Variants in SLC26A7 observed in about 807,000 individuals in gnomAD.
SLC26A7 encodes the protein anion exchange transporter.
In SLC26A7, 59 loss-of-function variants were observed where a neutral mutation model predicts 82.5. That is an observed-to-expected ratio of 0.72 (90% CI 0.58 to 0.89). SLC26A7 has a LOEUF of 0.89. SLC26A7 is among the 40% of genes least tolerant of loss of function. SLC26A7 has a pLI of 0.00. For synonymous variants in SLC26A7, 271 were observed against 274.3 expected (o/e 0.99, Z 0.12); for missense variants, 820 against 793.0 (o/e 1.03, Z -0.41).
At chr8:91,356,671 T>C (rs1813878183) in intron 11 of SLC26A7, among the ~76,000 whole-genome samples, 1 of 152,184 alleles carries the variant, frequency 6.6e-6, no homozygotes, top group Admixed American at 6.5e-5. Flanking sequence ...TTCTCCCATT[T>C]TGTAGGTTGT....
chr8:91,221,967 T>C (rs895726042), intron 2 of SLC26A7, among the ~76,000 whole-genome samples: 10 of 152,176 alleles, frequency 6.6e-5, no homozygotes, highest in Admixed American at 6.5e-4. Context: ...TTGGGCAGTA[T>C]GGCCATTTTC....
At chr8:91,251,301 G>A (rs545023414) in intron 2 of SLC26A7, among the ~76,000 whole-genome samples, 4 of 151,808 alleles carry the variant, frequency 2.6e-5, no homozygotes, top group Non-Finnish European at 5.9e-5. Context: ...TTTGTTTTAC[G>A]AGTCATGTAT....
At chr8:91,248,272 G>C (rs576869665), upstream of SLC26A7, among the ~76,000 whole-genome samples, 1 of 152,136 alleles carries the variant, frequency 6.6e-6, no homozygotes, top group East Asian at 1.9e-4. Context: ...AAAAAGAAAG[G>C]TATTTTTGCA....
intron 2 of SLC26A7, among the ~76,000 whole-genome samples, chr8:91,277,129 C>T (rs796415648): frequency 1.1e-4 from 16 of 152,218 alleles, no homozygotes; most frequent in African/African-American, 3.9e-4. Flanking sequence ...TCATTGCCAG[C>T]CTTTACTAAT....
At chr8:91,378,351 A>G (rs1348233004) in intron 15 of SLC26A7, among the ~76,000 whole-genome samples, 1 of 147,308 alleles carries the variant, frequency 6.8e-6, no homozygotes, top group African/African-American at 2.5e-5. Flanking sequence ...ATATAATTAC[A>G]TTATAATGTA....
intron 2 of SLC26A7, among the ~76,000 whole-genome samples, chr8:91,256,416 A>C (rs776268105): frequency 1.8e-4 from 27 of 152,154 alleles, no homozygotes; most frequent in Non-Finnish European, 3.2e-4. Context: ...TGAGTTTACT[A>C]TACAAGGGGC....
Position 91,211,619 on chromosome 8 carries a change from T to TTTTTA in SLC26A7, c.-150+2081_-150+2082insATTTT, listed in dbSNP as rs1554597831. On this transcript the variant is annotated intron_variant, in intron 1 of 5. Coordinates refer to the SLC26A7 transcript ENST00000522862. Reference sequence around the variant, plus strand: ...AAATATATATATATATATATATATTTTTTTTTTATTTTTTTTGCTTGGAAG... The same window carrying TTTTTA: ...AAATATATATATATATATATATATTTTTTTATTTTTTTATTTTTTTTGCTTGGAAG... Among the ~76,000 whole-genome samples, 80 of 144,722 alleles carry TTTTTA rather than the reference T, an allele frequency of 5.5e-4. No homozygotes were observed. The East Asian group carries it at 0.012, about 22-fold the overall frequency. The allele number at this position is 144,722 out of a possible 152,430, so 94.9% of individuals were successfully genotyped here.
intron 2 of SLC26A7, among the ~76,000 whole-genome samples, chr8:91,263,139 T>C (rs2130719823): frequency 6.6e-6 from 1 of 152,192 alleles, no homozygotes; most frequent in East Asian, 1.9e-4. Context: ...AAGGTAATTC[T>C]CTGGTCCTAA....
chr8:91,327,550 A>C (rs116156357), intron 5 of SLC26A7, among the ~76,000 whole-genome samples: 3,170 of 152,254 alleles, frequency 0.021, 94 homozygotes, highest in African/African-American at 0.071. Context: ...CTTTCAAACC[A>C]AAGTTTGCAC....
intron 6 of SLC26A7, among the ~76,000 whole-genome samples, chr8:91,337,296 CT>C (rs1563686158): frequency 6.6e-6 from 1 of 152,146 alleles, no homozygotes; most frequent in African/African-American, 2.4e-5. Flanking sequence ...ATTTGTTATC[CT>C]TTTTTTCTGG....
At chr8:91,238,855 T>C (rs1333322912) in intron 2 of SLC26A7, among the ~76,000 whole-genome samples, 1 of 152,096 alleles carries the variant, frequency 6.6e-6, no homozygotes, top group East Asian at 1.9e-4. Flanking sequence ...GTAGAAGACG[T>C]TGGACGTATA....
intron 6 of SLC26A7, among the ~76,000 whole-genome samples, chr8:91,336,121 T>C (rs534651737): frequency 6.6e-6 from 1 of 152,312 alleles, no homozygotes; most frequent in South Asian, 2.1e-4. Flanking sequence ...CAGGAAATGT[T>C]AGATTCTTAA....
chr8:91,288,485 T>G (rs908599998), intron 2 of SLC26A7, among the ~76,000 whole-genome samples: 1 of 152,146 alleles, frequency 6.6e-6, no homozygotes, highest in African/African-American at 2.4e-5. Flanking sequence ...GAATAAAAAT[T>G]AACAGTTATG....
At chr8:91,376,250 T>G (rs557122816) in intron 15 of SLC26A7, among the ~76,000 whole-genome samples, 16 of 152,222 alleles carry the variant, frequency 1.1e-4, no homozygotes, top group Non-Finnish European at 2.1e-4. Flanking sequence ...TAGAATCAAT[T>G]GCTAGAAAGT....
intron 5 of SLC26A7, among the ~76,000 whole-genome samples, chr8:91,326,504 T>C (rs1258314695): frequency 6.6e-6 from 1 of 152,174 alleles, no homozygotes; most frequent in Non-Finnish European, 1.5e-5. Flanking sequence ...GCCAATCATA[T>C]TGGATTAGGG....
chr8:91,340,362 A>G, intron 7 of SLC26A7, 42 bp from the exon 8 acceptor site: 2 of 1,594,532 alleles, frequency 1.3e-6, no homozygotes, highest in Non-Finnish European at 1.7e-6. Context: ...TACAGAAATT[A>G]CATGAAGTTT....
chr8:91,229,390 C>G (rs1376801779), intron 2 of SLC26A7, among the ~76,000 whole-genome samples: 2 of 152,172 alleles, frequency 1.3e-5, no homozygotes, highest in Non-Finnish European at 2.9e-5. Flanking sequence ...ATTTTTCCCT[C>G]TAACATTTTA....
intron 2 of SLC26A7, among the ~76,000 whole-genome samples, chr8:91,274,093 T>TA (rs1201519738): frequency 1.3e-5 from 2 of 152,234 alleles, no homozygotes; most frequent in Non-Finnish European, 2.9e-5. Flanking sequence ...CAATAATACC[T>TA]AGTACACAGA....
intron 2 of SLC26A7, among the ~76,000 whole-genome samples, chr8:91,275,127 A>G (rs1159301122): frequency 2.6e-5 from 4 of 152,092 alleles, no homozygotes; most frequent in Non-Finnish European, 5.9e-5. Context: ...AAACAAACAA[A>G]TCCAAAACGG....
Sources: allele counts gnomAD v4.1 joint callset (sites outside exome capture counted in the v4.1 genomes callset), GRCh38; gene constraint gnomAD v4.1.1; transcripts MANE v1.5; gene names NCBI Gene and HGNC (gene_info 2026-07-23, HGNC 2026-07-21).